The following NLRP5 variants were observed in gnomAD, a reference collection of about 807,000 sequenced individuals.
NLRP5 encodes the protein NLR family pyrin domain containing 5, also known as NACHT, LRR and PYD domains-containing protein 5.
A neutral mutation model predicts 113.1 loss-of-function variants in NLRP5; 93 were observed. That is an observed-to-expected ratio of 0.82 (90% CI 0.70 to 0.98). The LOEUF (loss-of-function observed/expected upper bound fraction) is 0.98, where lower values mean the gene tolerates loss of function less well. Ranked by LOEUF, NLRP5 falls within the 50% of genes least tolerant of loss-of-function variation. The probability of loss-of-function intolerance (pLI) is 0.00; values close to 1 mark genes in which losing one functional copy is unlikely to be tolerated. For synonymous variants in NLRP5, 751 were observed against 600.7 expected (o/e 1.25, Z -3.66); for missense variants, 1,808 against 1,514.3 (o/e 1.19, Z -3.22).
At chr19:55,989,153 T>A in the NLRP5 span, among the ~76,000 whole-genome samples, 11 of 152,240 alleles carry the variant, frequency 7.2e-5, no homozygotes, top group Non-Finnish European at 1.2e-4. Flanking sequence ...CATGGATGGG[T>A]AATTGTAAGA....
chr19:56,007,918 T>TGTGTGTGTGTGCGCGCGCGCGCGCGTGC (rs1982005367), intron 2 of NLRP5, among the ~76,000 whole-genome samples: 1 of 75,666 alleles, frequency 1.3e-5, no homozygotes, highest in African/African-American at 4.1e-5. Context: ...TGTGTGTGTG[T>TGTGTGTGTGTGCGCGCGCGCGCGCGTGC]GTGTGTGTGT....
In NLRP5 at chr19:56,019,411, G is replaced by C; in HGVS notation, c.622+13G>C. ...ACAGAAGAACAAGGTGAGGAAAATAGATGTATTCCTTGGTTGCCCTCCTGG... is the reference window on the plus strand; with the variant it reads ...ACAGAAGAACAAGGTGAGGAAAATACATGTATTCCTTGGTTGCCCTCCTGG... On this transcript the variant is annotated intron_variant, in intron 5 of 14. Transcript: ENST00000390649. The C allele has an allele frequency of 6.2e-7, 1 of 1,612,144 alleles. No homozygotes were observed. Among genetic ancestry groups the C allele is most frequent in the Non-Finnish European group, 8.5e-7 (1 of 1,178,378 alleles).
chr19:56,053,113 A>G (rs185935393), intron 12 of NLRP5, among the ~76,000 whole-genome samples: 610 of 151,994 alleles, frequency 4.0e-3, no homozygotes, highest in Non-Finnish European at 6.9e-3. Context: ...AATAAAAAAT[A>G]GGCTGGGCGT....
Position 56,027,787 on chromosome 19 carries a change from C to T in NLRP5, c.1554C>T (p.Arg518=). The T allele has an allele frequency of 6.2e-7, 1 of 1,614,036 alleles. No homozygotes were observed. Among genetic ancestry groups the T allele is most frequent in the South Asian group, 1.1e-5 (1 of 91,082 alleles). ...TCACCCCTCGAGGCGTGGTCCGGCG[C>T]TGTCTCAATCTGGAGGAAAGAGTTG... The change falls in exon 7 of 15, where the codon CGC becomes CGT. Residue 518 remains arginine (R), a synonymous_variant. Coordinates refer to ENST00000390649, the MANE Select transcript of NLRP5 (RefSeq NM_153447.4).
intron 11 of NLRP5, among the ~76,000 whole-genome samples, chr19:56,046,048 G>T (rs1235141326): frequency 1.3e-5 from 2 of 152,168 alleles, no homozygotes; most frequent in Non-Finnish European, 2.9e-5. Context: ...CAAAGGGAAT[G>T]CTTTCAACTT....
At chr19:56,025,531 G>A (rs751395317) in intron 6 of NLRP5, among the ~76,000 whole-genome samples, 27 of 151,792 alleles carry the variant, frequency 1.8e-4, no homozygotes, top group Non-Finnish European at 3.5e-4. Flanking sequence ...TCAGCCTCCC[G>A]AGTAGCTGGC....
At position 56,010,950 on chromosome 19, in the gene NLRP5, G is replaced by A. The variant is rs556638961; in HGVS notation, c.508+2097G>A. Among the ~76,000 whole-genome samples the A allele has an allele frequency of 1.4e-4, 22 of 151,836 alleles. No individual in the cohort carries two copies. The East Asian group carries it at 1.9e-3, about 13-fold the overall frequency. On this transcript the variant is annotated intron_variant, in intron 3 of 14. Coordinates refer to ENST00000390649, the MANE Select transcript of NLRP5 (RefSeq NM_153447.4). ...GCAGATTGCTCGAACCCAGGAGTTC[G>A]AGACCAACCTGGGCAATGTAGCAAG...
At chr19:55,991,051 G>A in the NLRP5 span, among the ~76,000 whole-genome samples, 4 of 152,224 alleles carry the variant, frequency 2.6e-5, no homozygotes, top group East Asian at 7.7e-4. Flanking sequence ...TTTACGTAAT[G>A]CATTCTTTGT....
chr19:56,053,846 G>A, intron 13 of NLRP5, 38 bp downstream of exon 13: 1 of 1,598,614 alleles, frequency 6.3e-7, no homozygotes, highest in South Asian at 1.1e-5. Context: ...GCCGGGCTGG[G>A]AGGAGGTGGG....
the NLRP5 span, among the ~76,000 whole-genome samples, chr19:55,992,417 G>A: frequency 6.6e-6 from 1 of 152,110 alleles, no homozygotes; most frequent in Non-Finnish European, 1.5e-5. Context: ...CAACGCTACT[G>A]CTTTTAGCTC....
At chr19:55,992,604 C>T in the NLRP5 span, among the ~76,000 whole-genome samples, 1 of 152,104 alleles carries the variant, frequency 6.6e-6, no homozygotes, top group Non-Finnish European at 1.5e-5. Context: ...AAATCCAGCC[C>T]ATTGCCCAGT....
chr19:56,020,547 T>A lies in NLRP5; in HGVS notation c.679+116T>A, dbSNP rs112343151. 8.8e-4 allele frequency: 1,085 copies of A among 1,228,846 alleles called. 10 individuals carry two copies. The African/African-American group carries it at 0.014, about 16-fold the overall frequency. The allele number at this position is 1,228,846 out of a possible 1,614,324, so 76.1% of individuals were successfully genotyped here. ...TTTAGATTGCCTTTCTTCAATCTCA[T>A]TTGTCTCTGGTGTCAACCCCTTCCC... On this transcript the variant is annotated intron_variant, in intron 6 of 14. Coordinates refer to ENST00000390649, the MANE Select transcript of NLRP5 (RefSeq NM_153447.4).
intron 11 of NLRP5, among the ~76,000 whole-genome samples, chr19:56,049,204 A>G (rs1983841614): frequency 6.8e-6 from 1 of 146,452 alleles, no homozygotes; most frequent in Non-Finnish European, 1.5e-5. Context: ...TTAGAGACGG[A>G]GTTTTACTCT....
intron 12 of NLRP5, among the ~76,000 whole-genome samples, chr19:56,051,572 C>T (rs1032985890): frequency 3.4e-5 from 1 of 29,770 alleles, no homozygotes; most frequent in African/African-American, 9.3e-5. Flanking sequence ...GTCTCACCAC[C>T]CCCCCATCAT....
At position 56,046,580 on chromosome 19, in the gene NLRP5, G is replaced by A. The variant is rs144770145; in HGVS notation, c.2958-3838G>A. Among the ~76,000 whole-genome samples, 613 of 151,614 alleles carry A rather than the reference G, an allele frequency of 4.0e-3. 8 individuals are homozygous for A. Among genetic ancestry groups the A allele is most frequent in the African/African-American group, 0.014 (580 of 41,322 alleles). On this transcript the variant is annotated intron_variant, in intron 11 of 14. Coordinates refer to ENST00000390649, the MANE Select transcript of NLRP5 (RefSeq NM_153447.4). ...TTCTGACACGGAGTCTCACTCTGTC[G>A]CCCAGGCTGGAGTGCAGTGGCGCGA...
intron 1 of NLRP5, chr19:55,999,831 G>A: frequency 2.1e-6 from 3 of 1,446,186 alleles, no homozygotes; most frequent in Non-Finnish European, 2.9e-6. Context: ...CCGACCCTCA[G>A]CCTTGGTACC....
chr19:56,008,321 G>A (rs1982030472), intron 2 of NLRP5, among the ~76,000 whole-genome samples: 1 of 152,112 alleles, frequency 6.6e-6, no homozygotes, highest in Non-Finnish European at 1.5e-5. Context: ...GGTGGATGGG[G>A]TTCCATGGCC....
At position 56,041,068 on chromosome 19, in the gene NLRP5, C is replaced by A; in HGVS notation, c.2933C>A (p.Pro978His). 3.1e-6 allele frequency: 5 copies of A among 1,613,926 alleles called. No homozygotes were observed. The highest frequency in any genetic ancestry group is 4.2e-6 in the Non-Finnish European group (5 of 1,179,870). The change falls in exon 11 of 15, where the codon CCC (proline) becomes CAC (histidine). Residue 978 changes from proline (P) to histidine (H), a missense_variant. Pro to His is a moderately conservative substitution (Grantham distance 77). Coordinates refer to ENST00000390649, the MANE Select transcript of NLRP5 (RefSeq NM_153447.4). ...CTACTGTGTCGATCCATGAGGCTTC[C>A]CCACTGTAGTCTGCAGAGGCTGATG...
chr19:56,060,401 CTG>C (rs1984306858), intron 14 of NLRP5, among the ~76,000 whole-genome samples: 1 of 152,162 alleles, frequency 6.6e-6, no homozygotes, highest in African/African-American at 2.4e-5. Flanking sequence ...TTCTTAGAAA[CTG>C]TGACTTTAAG....
Sources: allele counts gnomAD v4.1 joint callset (sites outside exome capture counted in the v4.1 genomes callset), GRCh38; gene constraint gnomAD v4.1.1; transcripts MANE v1.5; gene names NCBI Gene and HGNC (gene_info 2026-07-23, HGNC 2026-07-21).